The following RANBP17 variants were observed in gnomAD, a reference collection of about 807,000 sequenced individuals.
RANBP17 encodes ran-binding protein 17.
RANBP17 carries 158 observed loss-of-function variants against 141.2 expected under a neutral mutation model. That is an observed-to-expected ratio of 1.12 (90% CI 0.98 to 1.28). The LOEUF (loss-of-function observed/expected upper bound fraction) is 1.28, where lower values mean the gene tolerates loss of function less well. RANBP17 is among the 50% of genes most tolerant of loss of function. RANBP17 has a pLI of 0.00. For synonymous variants in RANBP17, 430 were observed against 450.0 expected (o/e 0.96, Z 0.56); for missense variants, 1,438 against 1,290.7 (o/e 1.11, Z -1.75).
chr5:170,998,106 C>A (rs936616490), intron 14 of RANBP17, among the ~76,000 whole-genome samples: 5 of 150,492 alleles, frequency 3.3e-5, no homozygotes, highest in African/African-American at 4.9e-5. Context: ...AAAAAAAAAA[C>A]CCTTTTTCTG....
chr5:170,942,598 A>G (rs1774417633), intron 12 of RANBP17, among the ~76,000 whole-genome samples: 1 of 152,156 alleles, frequency 6.6e-6, no homozygotes. Flanking sequence ...TCAAAAGAAT[A>G]ATAAGCATTA....
intron 24 of RANBP17, among the ~76,000 whole-genome samples, chr5:171,248,618 A>G (rs964226890): frequency 8.5e-5 from 13 of 152,206 alleles, no homozygotes; most frequent in African/African-American, 2.4e-4. Context: ...CTGTAAAGGC[A>G]TTGCACCAGC....
intron 14 of RANBP17, among the ~76,000 whole-genome samples, chr5:171,127,309 A>G (rs932213770): frequency 6.6e-6 from 1 of 152,238 alleles, no homozygotes; most frequent in African/African-American, 2.4e-5. Flanking sequence ...AATTTGTTAC[A>G]GAAGGAATAT....
intron 14 of RANBP17, among the ~76,000 whole-genome samples, chr5:171,035,560 G>GTT (rs534241384): frequency 4.3e-5 from 6 of 138,736 alleles, no homozygotes; most frequent in South Asian, 4.6e-4. Context: ...GTTTTTTAGG[G>GTT]TTTTTTTTTT....
At chr5:171,184,279 C>T (rs1761076485) in intron 18 of RANBP17, among the ~76,000 whole-genome samples, 1 of 152,150 alleles carries the variant, frequency 6.6e-6, no homozygotes, top group Admixed American at 6.5e-5. Context: ...GGTATATATA[C>T]ACAGTGGGAT....
rs10073866 is a variant in RANBP17 at position 171,089,314 on chromosome 5, G to C, written c.1711-80816G>C. The stretch of plus-strand genomic sequence containing the variant: ...ACCCACTTGAGGAGGCAGTCTGCCC[G>C]TTCTCAGATCTCCAGCTGCGTGCTG... On this transcript the variant is annotated intron_variant, in intron 14 of 27. Transcript: ENST00000523189. 8.7e-3 allele frequency among the ~76,000 whole-genome samples: 1,054 copies of C among 120,482 alleles called. 20 individuals are homozygous for C. The highest frequency in any genetic ancestry group is 0.027 in the Middle Eastern group (6 of 224). 79.0% of individuals were successfully genotyped at this position (120,482 alleles called of 152,430 possible).
chr5:171,271,824 G>A (rs550531907), intron 25 of RANBP17, among the ~76,000 whole-genome samples: 1 of 152,320 alleles, frequency 6.6e-6, no homozygotes, highest in South Asian at 2.1e-4. Flanking sequence ...TGCACATGGT[G>A]CTACAATCTT....
At chr5:170,933,890 G>A (rs1204192624) in intron 12 of RANBP17, among the ~76,000 whole-genome samples, 3 of 152,192 alleles carry the variant, frequency 2.0e-5, no homozygotes, top group Admixed American at 6.5e-5. Context: ...TGTATATTCT[G>A]TTGATTTGGG....
intron 11 of RANBP17, among the ~76,000 whole-genome samples, chr5:170,924,078 A>G (rs1772711023): frequency 6.6e-6 from 1 of 150,874 alleles, no homozygotes; most frequent in Admixed American, 6.6e-5. Context: ...GCTCACTGCA[A>G]CCTCCGCCTC....
At chr5:171,226,740 C>T (rs1294742057) in intron 22 of RANBP17, among the ~76,000 whole-genome samples, 2 of 152,200 alleles carry the variant, frequency 1.3e-5, no homozygotes, top group Admixed American at 1.3e-4. Flanking sequence ...TAGACTTGTT[C>T]GTAAAAGCTA....
At chr5:171,238,686 T>G (rs1229386518) in intron 22 of RANBP17, among the ~76,000 whole-genome samples, 1 of 152,180 alleles carries the variant, frequency 6.6e-6, no homozygotes, top group East Asian at 1.9e-4. Flanking sequence ...AAATTGAATT[T>G]GAGGCAAAGG....
chr5:171,173,538 A>T (rs1437209104), intron 16 of RANBP17, among the ~76,000 whole-genome samples: 1 of 152,040 alleles, frequency 6.6e-6, no homozygotes, highest in Non-Finnish European at 1.5e-5. Flanking sequence ...TCTGCTTCAG[A>T]TGAACCTTAC....
intron 14 of RANBP17, among the ~76,000 whole-genome samples, chr5:170,987,124 C>G (rs1778197054): frequency 6.6e-6 from 1 of 151,760 alleles, no homozygotes; most frequent in South Asian, 2.1e-4. Context: ...AGCTTTAATA[C>G]CTTTTAAACA....
chr5:171,235,653 G>A (rs1000334525), intron 22 of RANBP17, among the ~76,000 whole-genome samples: 1 of 152,144 alleles, frequency 6.6e-6, no homozygotes, highest in African/African-American at 2.4e-5. Flanking sequence ...CCAGGCTGGA[G>A]TGCAGTGGTG....
intron 14 of RANBP17, among the ~76,000 whole-genome samples, chr5:171,052,480 T>C (rs951745546): frequency 1.3e-5 from 2 of 152,212 alleles, no homozygotes; most frequent in Non-Finnish European, 2.9e-5. Context: ...GAAGATACTA[T>C]TCTTTCCCCA....
At chr5:170,991,490 G>C (rs1215343082) in intron 14 of RANBP17, among the ~76,000 whole-genome samples, 1 of 151,948 alleles carries the variant, frequency 6.6e-6, no homozygotes, top group Non-Finnish European at 1.5e-5. Context: ...AACTTGGCTT[G>C]TGATTCCTTT....
chr5:171,020,579 A>G (rs1326748503), intron 14 of RANBP17, among the ~76,000 whole-genome samples: 1 of 149,308 alleles, frequency 6.7e-6, no homozygotes, highest in Non-Finnish European at 1.5e-5. Flanking sequence ...GTCTGAGACT[A>G]GGATTGTAAC....
intron 14 of RANBP17, among the ~76,000 whole-genome samples, chr5:171,008,908 CGT>C (rs1365530461): frequency 5.3e-5 from 8 of 152,082 alleles, no homozygotes; most frequent in African/African-American, 1.9e-4. Flanking sequence ...CATTTGTAAG[CGT>C]GTTTTGATGA....
At chr5:170,904,325 GA>G in intron 5 of RANBP17, 2 of 233,064 alleles carry the variant, frequency 8.6e-6, no homozygotes, top group Non-Finnish European at 8.9e-6. Flanking sequence ...TCTACAAGTT[GA>G]AGGCATGGAA....
Sources: allele counts gnomAD v4.1 joint callset (sites outside exome capture counted in the v4.1 genomes callset), GRCh38; gene constraint gnomAD v4.1.1; transcripts MANE v1.5; gene names NCBI Gene and HGNC (gene_info 2026-07-23, HGNC 2026-07-21).